ACOXL: variants seen among roughly 807,000 people sequenced by gnomAD.
ACOXL encodes the protein acyl-CoA oxidase like.
Under a neutral mutation model 71.9 loss-of-function variants are expected in ACOXL, and 70 were observed. The ratio of observed to expected loss-of-function variants is 0.97; its 90% CI spans 0.80 to 1.19. The LOEUF is 1.19. Ranked by LOEUF, ACOXL falls within the 50% of genes most tolerant of loss-of-function variation. The pLI, the probability that ACOXL is intolerant of heterozygous loss-of-function variation, is 0.00. For missense variants in ACOXL, 703 were observed against 736.3 expected (o/e 0.95, Z 0.52); for synonymous variants, 253 against 281.6 (o/e 0.90, Z 1.02).
intron 6 of ACOXL, 144 bp from the exon 7 acceptor site, chr2:110,798,870 C>A: frequency 8.9e-7 from 1 of 1,125,620 alleles, no homozygotes; most frequent in Non-Finnish European, 1.3e-6. Context: ...TTTATCATTA[C>A]ATTTTGACAT....
At chr2:110,785,686 T>C (rs1269717458) in intron 3 of ACOXL, among the ~76,000 whole-genome samples, 3 of 152,200 alleles carry the variant, frequency 2.0e-5, no homozygotes, top group Non-Finnish European at 4.4e-5. Flanking sequence ...TTTCTCATGT[T>C]GTTTCCAGGA....
At chr2:110,816,913 T>A (rs1041599041) in intron 9 of ACOXL, among the ~76,000 whole-genome samples, 1 of 152,222 alleles carries the variant, frequency 6.6e-6, no homozygotes, top group African/African-American at 2.4e-5. Flanking sequence ...TGTCTTCCTC[T>A]CTTGCTCACC....
intron 3 of ACOXL, among the ~76,000 whole-genome samples, chr2:110,793,365 A>G (rs1054885798): frequency 2.0e-5 from 3 of 152,194 alleles, no homozygotes; most frequent in African/African-American, 7.2e-5. Context: ...GACAAAGCAG[A>G]ATGAGCTTTC....
intron 10 of ACOXL, among the ~76,000 whole-genome samples, chr2:110,889,860 C>CT (rs1697740672): frequency 6.6e-6 from 1 of 152,128 alleles, no homozygotes; most frequent in African/African-American, 2.4e-5. Flanking sequence ...AATGGTAACT[C>CT]TATGTTTAAC....
intron 10 of ACOXL, among the ~76,000 whole-genome samples, chr2:110,860,431 T>C (rs1181345529): frequency 6.6e-6 from 1 of 152,106 alleles, no homozygotes; most frequent in Non-Finnish European, 1.5e-5. Context: ...GAATAGCCAT[T>C]TTCTAATCCT....
chr2:110,800,115 C>T (rs1334448992), intron 7 of ACOXL, among the ~76,000 whole-genome samples: 1 of 152,226 alleles, frequency 6.6e-6, no homozygotes. Context: ...GCTGTGGAAG[C>T]TTTGTTCTTT....
intron 10 of ACOXL, among the ~76,000 whole-genome samples, chr2:110,847,125 A>G (rs1489855982): frequency 6.6e-6 from 1 of 151,944 alleles, no homozygotes; most frequent in East Asian, 1.9e-4. Context: ...TTTGCAGATA[A>G]CAGCTCTCGG....
chr2:110,795,049 C>A (rs948059317), intron 5 of ACOXL, among the ~76,000 whole-genome samples: 33 of 151,618 alleles, frequency 2.2e-4, no homozygotes, highest in Admixed American at 4.0e-4. Context: ...AAGGGATAAA[C>A]AAATGTTGAG....
intron 16 of ACOXL, among the ~76,000 whole-genome samples, chr2:111,067,448 G>C (rs1199808836): frequency 6.6e-6 from 1 of 152,104 alleles, no homozygotes; most frequent in Non-Finnish European, 1.5e-5. Context: ...GAAAACAGTA[G>C]GTTGGATTTT....
intron 10 of ACOXL, among the ~76,000 whole-genome samples, chr2:110,891,474 G>T (rs909946182): frequency 6.6e-6 from 1 of 151,230 alleles, no homozygotes. Context: ...AATCTAGTAT[G>T]ACAATACCTG....
At chr2:110,998,770 C>T (rs995772999) in intron 14 of ACOXL, among the ~76,000 whole-genome samples, 1 of 152,154 alleles carries the variant, frequency 6.6e-6, no homozygotes, top group Non-Finnish European at 1.5e-5. Context: ...CCCTCCAGCT[C>T]CCACCTCTGG....
chr2:110,822,955 C>T (rs1029881651), intron 9 of ACOXL, among the ~76,000 whole-genome samples: 4 of 152,092 alleles, frequency 2.6e-5, no homozygotes, highest in Admixed American at 6.6e-5. Flanking sequence ...TAGTAATATA[C>T]ATTTAAGATT....
chr2:111,032,207 AGGG>A (rs2065303662), intron 15 of ACOXL, among the ~76,000 whole-genome samples: 1 of 152,196 alleles, frequency 6.6e-6, no homozygotes, highest in Non-Finnish European at 1.5e-5. Context: ...GTTCTCAACC[AGGG>A]GCAATTTTGC....
At chr2:110,995,029 C>T (rs2063328251) in intron 13 of ACOXL, among the ~76,000 whole-genome samples, 1 of 151,486 alleles carries the variant, frequency 6.6e-6, no homozygotes, top group East Asian at 1.9e-4. Flanking sequence ...AACACAATTC[C>T]TGATATATAA....
intron 10 of ACOXL, among the ~76,000 whole-genome samples, chr2:110,859,666 C>G (rs1029998337): frequency 2.0e-5 from 3 of 152,114 alleles, no homozygotes; most frequent in Admixed American, 2.0e-4. Context: ...CTTGTGGAAT[C>G]GTATTTTAGG....
At chr2:111,049,068 A>C in intron 15 of ACOXL, 150 bp from the exon 16 acceptor site, 1 of 657,862 alleles carries the variant, frequency 1.5e-6, no homozygotes, top group East Asian at 2.8e-5. Context: ...TGACCCATGC[A>C]GGGGACAGTT....
At chr2:110,920,878 TA>T (rs1168180133) in intron 11 of ACOXL, among the ~76,000 whole-genome samples, 1 of 152,170 alleles carries the variant, frequency 6.6e-6, no homozygotes, top group Non-Finnish European at 1.5e-5. Flanking sequence ...GTTTCCAACA[TA>T]CAAACCCTAC....
At chr2:110,994,104 A>G (rs751977896) in intron 13 of ACOXL, among the ~76,000 whole-genome samples, 8 of 152,172 alleles carry the variant, frequency 5.3e-5, no homozygotes, top group African/African-American at 9.7e-5. Context: ...GCAGTTCACA[A>G]TCTCAGGTGG....
intron 13 of ACOXL, among the ~76,000 whole-genome samples, chr2:110,988,067 G>A (rs932270608): frequency 6.6e-6 from 1 of 152,178 alleles, no homozygotes; most frequent in Non-Finnish European, 1.5e-5. Flanking sequence ...TGGAGCAGTG[G>A]CTACCTTCCT....
Sources: allele counts gnomAD v4.1 joint callset (sites outside exome capture counted in the v4.1 genomes callset), GRCh38; gene constraint gnomAD v4.1.1; transcripts MANE v1.5; gene names NCBI Gene and HGNC (gene_info 2026-07-23, HGNC 2026-07-21).